The following SLF2 variants were observed in gnomAD, a reference collection of about 807,000 sequenced individuals.
SLF2 encodes SMC5-SMC6 complex localization factor protein 2.
SLF2 carries 68 observed loss-of-function variants against 124.3 expected under a neutral mutation model. The observed-to-expected ratio is 0.55, with a 90% CI of 0.45 to 0.67. The LOEUF (loss-of-function observed/expected upper bound fraction) is 0.67, where lower values mean the gene tolerates loss of function less well. Among genes scored for constraint, SLF2 ranks in the 30% least tolerant of loss-of-function variants. SLF2 has a pLI of 0.00. For synonymous variants in SLF2, 480 were observed against 478.8 expected, an observed-to-expected ratio of 1.00 and a Z score of -0.03; for missense variants, 1,246 against 1,373.7, an observed-to-expected ratio of 0.91 and a Z score of 1.47.
At chr10:100,948,222 C>T (rs1024098402) in intron 15 of SLF2, among the ~76,000 whole-genome samples, 26 of 152,328 alleles carry the variant, frequency 1.7e-4, no homozygotes, top group Middle Eastern at 6.8e-3. Context: ...ACATTGATTG[C>T]ATCTTTAACC....
At chr10:100,946,325 C>CTTTTT (rs34242980) in intron 13 of SLF2, among the ~76,000 whole-genome samples, 4 of 124,960 alleles carry the variant, frequency 3.2e-5, no homozygotes, top group African/African-American at 8.9e-5. Flanking sequence ...GGGTGTTAGG[C>CTTTTT]TTTTTTTTTT....
At chr10:100,950,830 A>G (rs1850197351) in intron 17 of SLF2, 77 bp downstream of exon 17, 2 of 1,148,436 alleles carry the variant, frequency 1.7e-6, no homozygotes, top group South Asian at 1.3e-5. Context: ...CATGCTTTAT[A>G]TAGGAGAAAA....
intron 4 of SLF2, 87 bp from the exon 5 acceptor site, chr10:100,923,888 T>C (rs1022617548): frequency 5.5e-6 from 6 of 1,095,424 alleles, no homozygotes; most frequent in Non-Finnish European, 7.3e-6. Context: ...ATTTTAAACC[T>C]TTCATTAGGG....
At chr10:100,926,277 G>A (rs1281782684) in intron 6 of SLF2, 9 of 1,488,198 alleles carry the variant, frequency 6.0e-6, no homozygotes, top group Non-Finnish European at 8.0e-6. Context: ...CCACTTCACT[G>A]CAGCCTGGGT....
At chr10:100,935,222 A>T (rs1211627596) in intron 9 of SLF2, among the ~76,000 whole-genome samples, 2 of 151,962 alleles carry the variant, frequency 1.3e-5, no homozygotes, top group Non-Finnish European at 2.9e-5. Flanking sequence ...AGTGAAACCC[A>T]GTCTTTACTA....
At chr10:100,925,833 A>C in intron 5 of SLF2, 116 bp from the exon 6 acceptor site, 1 of 999,660 alleles carries the variant, frequency 1.0e-6, no homozygotes, top group Non-Finnish European at 1.5e-6. Flanking sequence ...GAAAGGTGTT[A>C]TCCTGGCCCA....
chr10:100,954,305 A>G (rs1434551067), intron 17 of SLF2, among the ~76,000 whole-genome samples: 3 of 152,074 alleles, frequency 2.0e-5, no homozygotes, highest in Non-Finnish European at 4.4e-5. Flanking sequence ...TCTAATAACT[A>G]TAGTATTTTG....
chr10:100,931,019 C>G lies in SLF2; in HGVS notation c.2377C>G (p.Leu793Val). The G allele has an allele frequency of 6.2e-7, 1 of 1,614,056 alleles. No homozygotes were observed. Among genetic ancestry groups the G allele is most frequent in the Non-Finnish European group, 8.5e-7 (1 of 1,179,982 alleles). The change falls in exon 9 of 20, where the codon CTT becomes GTT. Residue 793 changes from leucine to valine, a missense_variant. Physicochemically the swap from Leu to Val is conservative, Grantham distance 32 (BLOSUM62 1). Transcript: ENST00000238961. ...GATTTTTTTGACAACACAAGGTTTC[C>G]TTACGTCTGCTTATCACTATGTCCA... Reference protein sequence around the residue: ...DQIFLTTQGFLTSAYHYVQCP... With the variant: ...DQIFLTTQGFVTSAYHYVQCP...
At chr10:100,960,448 A>T (rs1850406429) in intron 19 of SLF2, among the ~76,000 whole-genome samples, 1 of 152,226 alleles carries the variant, frequency 6.6e-6, no homozygotes. Context: ...TACTAAAGCC[A>T]TAGTAGGGAG....
Position 100,924,491 on chromosome 10 carries a change from CAGTTT to C in SLF2, c.1491_1495del (p.Val498Ter), listed in dbSNP as rs1849576312. The stretch of plus-strand genomic sequence containing the variant: ...TTAAATGCTAAAAATTGTGCTCTTC[CAGTTT>C]CTAAAAAAGATAAAGAGCGTTCCTC... On this transcript the variant is annotated frameshift_variant, in exon 5 of 20. Coordinates refer to ENST00000238961, the MANE Select transcript of SLF2 (RefSeq NM_018121.4). LOFTEE classifies it high-confidence loss of function. 5 of 1,614,070 alleles carry C rather than the reference CAGTTT, an allele frequency of 3.1e-6. No individual in the cohort carries two copies. The highest frequency in any genetic ancestry group is 4.2e-6 in the Non-Finnish European group (5 of 1,180,020).
At chr10:100,951,074 C>G (rs1306616080) in intron 17 of SLF2, among the ~76,000 whole-genome samples, 1 of 152,160 alleles carries the variant, frequency 6.6e-6, no homozygotes, top group Non-Finnish European at 1.5e-5. Context: ...AACCCCATCT[C>G]TACTAAAAAT....
At chr10:100,916,512 A>G in intron 2 of SLF2, 58 bp from the exon 3 acceptor site, 1 of 1,189,726 alleles carries the variant, frequency 8.4e-7, no homozygotes, top group Admixed American at 3.8e-5. Context: ...AATAATTTAG[A>G]TAAATATTAA....
Position 100,950,117 on chromosome 10 carries a change from T to C in SLF2, c.3162T>C (p.Ser1054=). Residue 1054 remains serine (S), a synonymous_variant, in exon 16 of 20, where the codon TCT becomes TCC. Coordinates refer to ENST00000238961, the MANE Select transcript of SLF2 (RefSeq NM_018121.4). The part of the protein sequence containing the change: ...LHRYLVQMKP[S]DLLKKMVLKK... ...GCTATCTTGTGCAGATGAAGCCTTC[T>C]GATTTGTTAAAGAAAATGGTCTTGA... 6.2e-7 allele frequency: 1 copy of C among 1,613,896 alleles called. No individual in the cohort carries two copies. Among genetic ancestry groups the C allele is most frequent in the Admixed American group, 1.7e-5 (1 of 60,012 alleles).
intron 18 of SLF2, among the ~76,000 whole-genome samples, chr10:100,957,330 ATTTTTTTTTTTTTTTTTTTTTT>A (rs71013477): frequency 2.2e-5 from 2 of 91,830 alleles, no homozygotes; most frequent in African/African-American, 6.4e-5. Flanking sequence ...GGAGTCTTCA[ATTTTTTTTTTTTTTTTTTTTTT>A]TTTTTTTTTT....
chr10:100,913,640 G>A (rs1457794060), intron 1 of SLF2: 1 of 1,051,392 alleles, frequency 9.5e-7, no homozygotes, highest in East Asian at 7.0e-5. Flanking sequence ...TTTCTATGTT[G>A]TGGGTGAAAT....
At chr10:100,930,033 A>G in intron 8 of SLF2, 36 bp downstream of exon 8, 1 of 1,360,518 alleles carries the variant, frequency 7.4e-7, no homozygotes, top group Non-Finnish European at 9.9e-7. Context: ...TTTTATATGT[A>G]TAAAAAATTA....
At chr10:100,942,626 C>G (rs989534557) in intron 11 of SLF2, among the ~76,000 whole-genome samples, 2 of 152,162 alleles carry the variant, frequency 1.3e-5, no homozygotes, top group Admixed American at 6.5e-5. Context: ...TCAAGTGATT[C>G]TCCTGCCTCA....
At chr10:100,947,367 C>T (rs1262648830) in intron 14 of SLF2, among the ~76,000 whole-genome samples, 1 of 151,618 alleles carries the variant, frequency 6.6e-6, no homozygotes, top group African/African-American at 2.4e-5. Flanking sequence ...ACTCTGTCAC[C>T]CAAGCTGAAT....
At chr10:100,916,155 G>T in intron 2 of SLF2, 113 bp downstream of exon 2, 1 of 751,306 alleles carries the variant, frequency 1.3e-6, no homozygotes, top group East Asian at 2.7e-5. Context: ...GTTCAAAATT[G>T]AAAATAAAAT....
Sources: gnomAD v4.1 joint callset for allele counts (sites outside exome capture counted in the v4.1 genomes callset) on GRCh38, gnomAD v4.1.1 for gene constraint, MANE v1.5 for transcripts, NCBI Gene and HGNC (gene_info 2026-07-23, HGNC 2026-07-21) for gene names.